The following SSBP3 variants were observed in gnomAD, a reference collection of about 807,000 sequenced individuals.
SSBP3 encodes single-stranded DNA-binding protein 3.
Under a neutral mutation model 69.6 loss-of-function variants are expected in SSBP3, and 5 were observed. That is an observed-to-expected ratio of 0.07 (90% CI 0.04 to 0.15). The LOEUF (loss-of-function observed/expected upper bound fraction) is 0.15. Among genes scored for constraint, SSBP3 ranks in the 10% least tolerant of loss-of-function variants. The pLI is 1.00. For missense variants in SSBP3, 312 were observed against 534.0 expected, an observed-to-expected ratio of 0.58 and a Z score of 4.10; for synonymous variants, 196 against 193.4, an observed-to-expected ratio of 1.01 and a Z score of -0.11.
At chr1:54,321,948 A>T (rs1015141888) in intron 4 of SSBP3, among the ~76,000 whole-genome samples, 4 of 152,170 alleles carry the variant, frequency 2.6e-5, no homozygotes, top group Non-Finnish European at 5.9e-5. Context: ...AAAAACTGAA[A>T]GCTGGTTGGA....
At chr1:54,256,499 G>T (rs998329215) in intron 7 of SSBP3, among the ~76,000 whole-genome samples, 3 of 151,988 alleles carry the variant, frequency 2.0e-5, no homozygotes. Flanking sequence ...ATGGGCCAGC[G>T]TAAGGCATAT....
intron 4 of SSBP3, among the ~76,000 whole-genome samples, chr1:54,392,067 C>T (rs1648540500): frequency 6.6e-6 from 1 of 152,206 alleles, no homozygotes; most frequent in African/African-American, 2.4e-5. Flanking sequence ...CACAGTCCCA[C>T]CCCCTCCAAT....
intron 4 of SSBP3, among the ~76,000 whole-genome samples, chr1:54,282,493 A>G (rs1645413396): frequency 1.3e-5 from 2 of 152,186 alleles, no homozygotes; most frequent in South Asian, 4.1e-4. Context: ...CTGTTCTGGC[A>G]TTTGCCTGGT....
chr1:54,311,353 G>C (rs1645998279), intron 4 of SSBP3, among the ~76,000 whole-genome samples: 1 of 152,178 alleles, frequency 6.6e-6, no homozygotes, highest in Admixed American at 6.5e-5. Flanking sequence ...CAGCAGTGTG[G>C]AGGGTCTGTC....
chr1:54,339,515 C>G (rs1484603268), intron 4 of SSBP3, among the ~76,000 whole-genome samples: 4 of 151,960 alleles, frequency 2.6e-5, no homozygotes, highest in Non-Finnish European at 5.9e-5. Flanking sequence ...TTGCGGAGTT[C>G]ATGAAATAAA....
At chr1:54,405,093 C>A (rs1354587632) in intron 1 of SSBP3, among the ~76,000 whole-genome samples, 163 bp from the exon 2 acceptor site, 1 of 152,128 alleles carries the variant, frequency 6.6e-6, no homozygotes, top group Admixed American at 6.5e-5. Context: ...CCGCCAGGTG[C>A]GAACAGTTAG....
chr1:54,409,576 C>T (rs986935444), upstream of SSBP3, among the ~76,000 whole-genome samples: 3 of 152,086 alleles, frequency 2.0e-5, no homozygotes, highest in African/African-American at 7.2e-5. Context: ...GAATGGATAC[C>T]ACCAACAATA....
At chr1:54,289,973 C>T (rs1215038561) in intron 4 of SSBP3, among the ~76,000 whole-genome samples, 21 of 152,170 alleles carry the variant, frequency 1.4e-4, no homozygotes, top group Admixed American at 1.4e-3. Context: ...TCTCTCCCTC[C>T]ATCCTTCCAA....
At chr1:54,294,179 GAAAGAAAGAAAGAAAA>G (rs1557504963) in intron 4 of SSBP3, among the ~76,000 whole-genome samples, 62 of 112,596 alleles carry the variant, frequency 5.5e-4, no homozygotes, top group African/African-American at 2.0e-3. Context: ...AAGAAAGAAA[GAAAGAAAGAAAGAAAA>G]GAAAAAAGAA....
At chr1:54,281,625 C>G (rs1645394373) in intron 4 of SSBP3, 98 bp from the exon 5 acceptor site, 2 of 1,103,122 alleles carry the variant, frequency 1.8e-6, no homozygotes, top group Non-Finnish European at 2.7e-6. Context: ...CGTCCACATT[C>G]CCCGTGGACC....
chr1:54,265,759 C>T (rs891169256), intron 5 of SSBP3, among the ~76,000 whole-genome samples: 2 of 152,262 alleles, frequency 1.3e-5, no homozygotes, highest in Admixed American at 1.3e-4. Context: ...CCAAGGTCCA[C>T]TCCTTGCAAA....
chr1:54,355,811 G>C (rs982568937), intron 4 of SSBP3, among the ~76,000 whole-genome samples: 1 of 152,144 alleles, frequency 6.6e-6, no homozygotes. Flanking sequence ...AAACCCCTGC[G>C]TACATCCCTC....
At chr1:54,288,843 A>G (rs950373542) in intron 4 of SSBP3, among the ~76,000 whole-genome samples, 1 of 151,804 alleles carries the variant, frequency 6.6e-6, no homozygotes, top group Admixed American at 6.6e-5. Flanking sequence ...ACGTGAAACC[A>G]AGTCTCTACT....
exon 18 of SSBP3, chr1:54,225,648 G>A (rs1409911789): frequency 1.4e-5 from 4 of 280,138 alleles, no homozygotes; most frequent in Non-Finnish European, 2.6e-5. Flanking sequence ...GGATCAGAAA[G>A]GGAGGGAGTA....
rs533255683 is a variant in SSBP3, at chr1:54,361,805, C to T, written c.276+40056G>A. On this transcript the variant is annotated intron_variant, in intron 4 of 17. Coordinates refer to ENST00000610401, the Ensembl canonical transcript of SSBP3. ...GATACACTCAACCTCCCCACCACCACGATGATACTACTGGTCAATGTGGAT... is the reference window on the plus strand; with the variant it reads ...GATACACTCAACCTCCCCACCACCATGATGATACTACTGGTCAATGTGGAT... 2.0e-5 allele frequency among the ~76,000 whole-genome samples: 3 copies of T among 152,266 alleles called. No individual in the cohort carries two copies. The East Asian group carries it at 5.8e-4, about 29-fold the overall frequency.
chr1:54,227,099 C>A (rs758577615), exon 18 of SSBP3: 7 of 1,594,544 alleles, frequency 4.4e-6, no homozygotes, highest in Non-Finnish European at 6.0e-6. Flanking sequence ...GCCTGCAATG[C>A]CTGCTCTCTC....
intron 5 of SSBP3, among the ~76,000 whole-genome samples, chr1:54,263,292 G>C (rs979385208): frequency 1.3e-5 from 2 of 152,182 alleles, no homozygotes; most frequent in African/African-American, 4.8e-5. Context: ...CGCACGCTCC[G>C]GCTAAGTCCC....
At chr1:54,344,771 G>A (rs1395181556) in intron 4 of SSBP3, among the ~76,000 whole-genome samples, 1 of 152,178 alleles carries the variant, frequency 6.6e-6, no homozygotes. Context: ...CAATGCTTTG[G>A]GAGGCCAAAG....
intron 5 of SSBP3, among the ~76,000 whole-genome samples, chr1:54,260,928 C>T (rs1405773827): frequency 1.3e-5 from 2 of 152,254 alleles, no homozygotes; most frequent in Non-Finnish European, 2.9e-5. Flanking sequence ...TCAGTGCCCA[C>T]CTCCTCAGGG....
Sources: gnomAD v4.1 joint callset for allele counts (sites outside exome capture counted in the v4.1 genomes callset) on GRCh38, gnomAD v4.1.1 for gene constraint, MANE v1.5 for transcripts, NCBI Gene and HGNC (gene_info 2026-07-23, HGNC 2026-07-21) for gene names.